Variants in CAMK2G observed in about 807,000 individuals in gnomAD.
CAMK2G encodes calcium/calmodulin dependent protein kinase II gamma.
A neutral mutation model predicts 88.7 loss-of-function variants in CAMK2G; 23 were observed. The observed-to-expected ratio is 0.26, with a 90% CI of 0.19 to 0.37. CAMK2G has a LOEUF of 0.37. Among genes scored for constraint, CAMK2G ranks in the 10% least tolerant of loss-of-function variants. The pLI, the probability that CAMK2G is intolerant of heterozygous loss-of-function variation, is 1.00. For synonymous variants in CAMK2G, 263 were observed against 294.8 expected (o/e 0.89, Z 1.11); for missense variants, 476 against 780.8 (o/e 0.61, Z 4.65).
At chr10:73,828,796 T>C (rs1359554887) in intron 14 of CAMK2G, among the ~76,000 whole-genome samples, 2 of 152,178 alleles carry the variant, frequency 1.3e-5, no homozygotes, top group Non-Finnish European at 2.9e-5. Context: ...ACAGTGATCA[T>C]AAAAATGCAG....
intron 15 of CAMK2G, among the ~76,000 whole-genome samples, chr10:73,827,482 A>G (rs1335588157): frequency 6.6e-6 from 1 of 151,982 alleles, no homozygotes; most frequent in Non-Finnish European, 1.5e-5. Flanking sequence ...CCCGGCCCCC[A>G]CCTCTGGTTT....
At chr10:73,847,146 TAAG>T (rs987248734) in intron 10 of CAMK2G, 76 bp downstream of exon 10, 5 of 1,455,772 alleles carry the variant, frequency 3.4e-6, no homozygotes, top group Middle Eastern at 1.7e-4. Flanking sequence ...TCTCTGCTGG[TAAG>T]AAGGAGGGGG....
chr10:73,816,008 G>C, intron 21 of CAMK2G: 4 of 985,168 alleles, frequency 4.1e-6, no homozygotes, highest in African/African-American at 1.7e-5. Context: ...AGATAACAGA[G>C]AGTTTATATA....
intron 2 of CAMK2G, among the ~76,000 whole-genome samples, chr10:73,864,064 G>A (rs2095490399): frequency 6.6e-6 from 1 of 152,194 alleles, no homozygotes; most frequent in African/African-American, 2.4e-5. Context: ...ATTTATCGTG[G>A]CTGGGCGCGG....
intron 21 of CAMK2G, 130 bp from the exon 22 acceptor site, chr10:73,815,377 C>G (rs1336405298): frequency 1.5e-5 from 10 of 652,768 alleles, no homozygotes; most frequent in Admixed American, 5.3e-5. Flanking sequence ...CCGCCCCCCC[C>G]CACCCCCGAA....
Position 73,848,884 on chromosome 10 carries a change from G to C in CAMK2G, c.517+129C>G, listed in dbSNP as rs1037246841. The C allele has an allele frequency of 1.3e-6, 1 of 748,364 alleles. No homozygotes were observed. Among genetic ancestry groups the C allele is most frequent in the Non-Finnish European group, 2.5e-6 (1 of 407,772 alleles). 46.4% of individuals were successfully genotyped at this position (748,364 alleles called of 1,614,324 possible). A position where few individuals can be genotyped will look rare whatever the true frequency, so the allele number is the denominator to read the frequency against. ...AGCTAGACTTACTGTACTGAGTCGC[G>C]TACGGCCAAGAGAGATCTCGGAGGC... On this transcript the variant is annotated intron_variant, in intron 7 of 22. Coordinates refer to ENST00000423381, the MANE Select transcript of CAMK2G (RefSeq NM_001367534.1). The surrounding 1 kb of genome is among the most constrained non-coding windows in gnomAD (Gnocchi z 4.5).
chr10:73,818,747 A>C (rs1236166777), intron 19 of CAMK2G: 3 of 455,980 alleles, frequency 6.6e-6, no homozygotes, highest in Admixed American at 2.3e-5. Flanking sequence ...GTGCACCCAC[A>C]ACACACACAC....
chr10:73,841,807 ACC>A, intron 12 of CAMK2G: 1 of 216,392 alleles, frequency 4.6e-6, no homozygotes, highest in South Asian at 8.6e-5. Context: ...GACTCACTGT[ACC>A]TCATCTCTCT....
intron 12 of CAMK2G, chr10:73,841,893 T>G (rs1468946086): frequency 4.4e-6 from 2 of 454,460 alleles, no homozygotes; most frequent in Non-Finnish European, 8.0e-6. Context: ...CTTCAGAGAG[T>G]TAAATAAGAA....
chr10:73,852,191 G>A, intron 5 of CAMK2G, 63 bp downstream of exon 5: 1 of 1,314,002 alleles, frequency 7.6e-7, no homozygotes. Context: ...CCCGAAGGTG[G>A]CCAAGACTTC....
Position 73,821,726 on chromosome 10 carries a change from G to A in CAMK2G, c.1205C>T (p.Ser402Phe), listed in dbSNP as rs1293194407. The change falls in exon 18 of 23, where the codon TCC (serine) becomes TTC (phenylalanine). Residue 402 changes from serine to phenylalanine, a missense_variant. Physicochemically the swap from Ser to Phe is radical, Grantham distance 155. Transcript: ENST00000423381. ...VHNATDGIKG[S>F]TESCNTTTED... is the part of the protein sequence containing the mutation. ...TGTGGTGGTGTTGCAGCTCTCTGTG[G>A]AGCCCTGTAGGCCAAAAAGAACATG... is the stretch of plus-strand genomic sequence containing the variant. 6.2e-7 allele frequency: 1 copy of A among 1,611,104 alleles called. No individual in the cohort carries two copies. Among genetic ancestry groups the A allele is most frequent in the Non-Finnish European group, 8.5e-7 (1 of 1,178,548 alleles).
chr10:73,866,810 C>T (rs551866420), intron 2 of CAMK2G, among the ~76,000 whole-genome samples: 4 of 152,250 alleles, frequency 2.6e-5, no homozygotes, highest in Admixed American at 6.5e-5. Flanking sequence ...ACAAGGACAT[C>T]GCAGGGATTT....
At chr10:73,873,226 A>G in intron 1 of CAMK2G, 143 bp from the exon 2 acceptor site, 1 of 984,922 alleles carries the variant, frequency 1.0e-6, no homozygotes, top group South Asian at 1.4e-5. Flanking sequence ...CGCTGTGACC[A>G]CCACCATCCA....
intron 3 of CAMK2G, among the ~76,000 whole-genome samples, chr10:73,853,851 T>G (rs1013596238): frequency 2.6e-5 from 4 of 152,238 alleles, no homozygotes; most frequent in African/African-American, 9.6e-5. Flanking sequence ...CATTACTGAT[T>G]CTGCAAGCAT....
intron 2 of CAMK2G, 34 bp downstream of exon 2, chr10:73,872,955 C>T: frequency 7.2e-7 from 1 of 1,388,934 alleles, no homozygotes; most frequent in Non-Finnish European, 1.0e-6. Flanking sequence ...CCTGGAGGCA[C>T]CCTCAGGAAG....
intron 18 of CAMK2G, among the ~76,000 whole-genome samples, chr10:73,821,126 AT>A (rs1017609478): frequency 4.9e-4 from 71 of 145,146 alleles, no homozygotes; most frequent in Non-Finnish European, 5.8e-4. Context: ...TTTGTTCCTA[AT>A]TTTTTTTTTT....
chr10:73,825,468 A>G lies in CAMK2G; in HGVS notation c.1087-121T>C, dbSNP rs552425479. The G allele has an allele frequency of 9.9e-5, 74 of 747,652 alleles. No homozygotes were observed. The Admixed American group carries it at 1.1e-3, about 11-fold the overall frequency. The allele number at this position is 747,652 out of a possible 1,614,324, so 46.3% of individuals were successfully genotyped here. ...AGGAGGTAGGCCTGAGGTGGCCTCCATAACGCTGTGTAGATGGGAGCGATG... is the reference window on the plus strand; with the variant it reads ...AGGAGGTAGGCCTGAGGTGGCCTCCGTAACGCTGTGTAGATGGGAGCGATG... On this transcript the variant is annotated intron_variant, in intron 15 of 22. Transcript: ENST00000423381.
intron 12 of CAMK2G, among the ~76,000 whole-genome samples, chr10:73,840,225 A>C (rs1394163819): frequency 2.0e-5 from 3 of 152,176 alleles, no homozygotes; most frequent in African/African-American, 7.2e-5. Flanking sequence ...TGTGTGTCAC[A>C]GTGTGCTGAG....
intron 19 of CAMK2G, chr10:73,818,713 G>C: frequency 6.6e-6 from 3 of 455,604 alleles, no homozygotes; most frequent in Non-Finnish European, 1.3e-5. Context: ...GAGTTCGATC[G>C]GCTTCCAAAA....
Sources: allele counts gnomAD v4.1 joint callset (sites outside exome capture counted in the v4.1 genomes callset), GRCh38; gene constraint gnomAD v4.1.1; non-coding constraint Gnocchi (gnomAD v3.1); transcripts MANE v1.5; gene names NCBI Gene and HGNC (gene_info 2026-07-23, HGNC 2026-07-21).